CDH18: variants seen among roughly 807,000 people sequenced by gnomAD.
CDH18 encodes the protein cadherin 18.
Under a neutral mutation model 67.9 loss-of-function variants are expected in CDH18, and 31 were observed. That is an observed-to-expected ratio of 0.46 (90% confidence interval 0.34 to 0.62). CDH18 has a LOEUF of 0.62. Among genes scored for constraint, CDH18 ranks in the 20% least tolerant of loss-of-function variants. CDH18 has a pLI of 0.01. For synonymous variants in CDH18, 362 were observed against 347.2 expected (o/e 1.04, Z -0.48); for missense variants, 890 against 975.5 (o/e 0.91, Z 1.17).
chr5:19,559,075 T>C (rs1738976749), intron 8 of CDH18, among the ~76,000 whole-genome samples: 1 of 152,086 alleles, frequency 6.6e-6, no homozygotes, highest in African/African-American at 2.4e-5. Context: ...TGTTTGGATC[T>C]TCTTGCTTCT....
chr5:19,685,814 G>T (rs553806777), intron 5 of CDH18, among the ~76,000 whole-genome samples: 19 of 152,266 alleles, frequency 1.2e-4, no homozygotes, highest in Non-Finnish European at 2.8e-4. Flanking sequence ...TCTCAGAACG[G>T]ACACTGACAA....
chr5:20,211,904 T>C (rs1961816), intron 2 of CDH18, among the ~76,000 whole-genome samples: 105,765 of 151,996 alleles, frequency 0.7, 37,436 homozygotes, highest in African/African-American at 0.84. Flanking sequence ...TTACCAGCAA[T>C]GGAACAGAGC....
chr5:20,309,154 C>CTCAT (rs1736767979), intron 1 of CDH18, among the ~76,000 whole-genome samples: 2 of 152,186 alleles, frequency 1.3e-5, no homozygotes, highest in Non-Finnish European at 1.5e-5. Flanking sequence ...ACTGACAGAT[C>CTCAT]ACACTGCTAC....
chr5:19,923,701 T>C (rs1015499081), intron 2 of CDH18, among the ~76,000 whole-genome samples: 4 of 152,174 alleles, frequency 2.6e-5, no homozygotes, highest in Non-Finnish European at 5.9e-5. Flanking sequence ...CTGAGCTAAA[T>C]AATATGTAAA....
chr5:19,944,802 C>G (rs2150243210), intron 2 of CDH18, among the ~76,000 whole-genome samples: 1 of 152,198 alleles, frequency 6.6e-6, no homozygotes, highest in Middle Eastern at 3.4e-3. Context: ...AATAGACAGC[C>G]ATAAAAGGAT....
intron 10 of CDH18, among the ~76,000 whole-genome samples, chr5:19,505,944 G>C (rs887868587): frequency 6.6e-6 from 1 of 152,080 alleles, no homozygotes; most frequent in African/African-American, 2.4e-5. Flanking sequence ...AATCCATCTA[G>C]TCCTGGACTT....
At chr5:19,542,980 C>T (rs72737441) in intron 9 of CDH18, among the ~76,000 whole-genome samples, 5,829 of 152,024 alleles carry the variant, frequency 0.038, 159 homozygotes, top group Non-Finnish European at 0.058. Context: ...AAAAACAGAA[C>T]GTGATTTTAC....
At chr5:20,406,466 T>A (rs113706560) in intron 1 of CDH18, among the ~76,000 whole-genome samples, 10,977 of 151,654 alleles carry the variant, frequency 0.072, 479 homozygotes, top group African/African-American at 0.11. Context: ...TTAGGAAATA[T>A]ACCTAATGTA....
chr5:20,559,349 A>G (rs1246422585), intron 1 of CDH18, among the ~76,000 whole-genome samples: 1 of 152,080 alleles, frequency 6.6e-6, no homozygotes, highest in Non-Finnish European at 1.5e-5. Flanking sequence ...AGCAGGTAGT[A>G]TGGGATCACA....
intron 2 of CDH18, among the ~76,000 whole-genome samples, chr5:20,015,554 A>G (rs1174383990): frequency 6.6e-6 from 1 of 152,178 alleles, no homozygotes; most frequent in African/African-American, 2.4e-5. Flanking sequence ...AAATTAAATC[A>G]TTTTAAAGCA....
At chr5:20,552,726 A>C (rs548769570) in intron 1 of CDH18, among the ~76,000 whole-genome samples, 1 of 152,274 alleles carries the variant, frequency 6.6e-6, no homozygotes, top group East Asian at 1.9e-4. Flanking sequence ...TCATTTTCTC[A>C]AAAAGGAGTT....
At chr5:20,027,923 AAT>A (rs1739058548) in intron 2 of CDH18, among the ~76,000 whole-genome samples, 1 of 152,242 alleles carries the variant, frequency 6.6e-6, no homozygotes, top group Admixed American at 6.5e-5. Flanking sequence ...CCTTATCAAA[AAT>A]ATGAGACGAC....
At chr5:19,909,129 TTATGGAGGAAATGCAAACTGC>T (rs1400786635) in intron 2 of CDH18, among the ~76,000 whole-genome samples, 3 of 152,068 alleles carry the variant, frequency 2.0e-5, no homozygotes, top group Non-Finnish European at 4.4e-5. Context: ...TTTTCTACAT[TTATGGAGGAAATGCAAACTGC>T]TATGACACGT....
intron 1 of CDH18, among the ~76,000 whole-genome samples, chr5:20,438,375 A>G (rs1387179337): frequency 6.6e-6 from 1 of 151,082 alleles, no homozygotes; most frequent in African/African-American, 2.4e-5. Context: ...TATACCCCAC[A>G]TCTCTAAATA....
Position 19,508,824 on chromosome 5 carries a change from T to C in CDH18, c.1513-5715A>G, listed in dbSNP as rs764243350. Among the ~76,000 whole-genome samples the C allele has an allele frequency of 2.0e-5, 3 of 151,802 alleles. No individual in the cohort carries two copies. The South Asian group carries it at 6.2e-4, about 31-fold the overall frequency. Reference sequence around the variant, plus strand: ...TGTTAGTTTTGGCAAATGAACTTGCTTGGCTTAAGCATTTTAAAAAGGAAG... The same window carrying C: ...TGTTAGTTTTGGCAAATGAACTTGCCTGGCTTAAGCATTTTAAAAAGGAAG... On this transcript the variant is annotated intron_variant, in intron 10 of 12. Transcript: ENST00000382275.
intron 2 of CDH18, among the ~76,000 whole-genome samples, chr5:19,935,773 T>C (rs971321726): frequency 6.7e-6 from 1 of 150,054 alleles, no homozygotes; most frequent in African/African-American, 2.4e-5. Flanking sequence ...AGCACTGAGC[T>C]AGCTTTTACA....
intron 5 of CDH18, among the ~76,000 whole-genome samples, chr5:19,712,100 A>C (rs1174082224): frequency 6.6e-6 from 1 of 152,048 alleles, no homozygotes; most frequent in African/African-American, 2.4e-5. Flanking sequence ...GTGAAAGCTA[A>C]ATAATGTGTA....
chr5:20,429,045 A>G (rs1748541114), intron 1 of CDH18, among the ~76,000 whole-genome samples: 1 of 151,610 alleles, frequency 6.6e-6, no homozygotes, highest in Admixed American at 6.6e-5. Context: ...AAAGAGCACA[A>G]ACACTCGTCT....
intron 3 of CDH18, among the ~76,000 whole-genome samples, chr5:19,769,106 A>G (rs1290897515): frequency 6.6e-6 from 1 of 152,090 alleles, no homozygotes; most frequent in Non-Finnish European, 1.5e-5. Context: ...AATGGGAGTC[A>G]CAGAAATAGA....
Sources: allele counts gnomAD v4.1 joint callset (sites outside exome capture counted in the v4.1 genomes callset), GRCh38; gene constraint gnomAD v4.1.1; transcripts MANE v1.5; gene names NCBI Gene and HGNC (gene_info 2026-07-23, HGNC 2026-07-21).